ROCK1: variants seen among roughly 807,000 people sequenced by gnomAD.
The protein encoded by ROCK1 is Rho associated coiled-coil containing protein kinase 1, also known as rho-associated protein kinase 1.
Under a neutral mutation model 196.8 loss-of-function variants are expected in ROCK1, and 36 were observed. That is an observed-to-expected ratio of 0.18 (90% CI 0.14 to 0.24). ROCK1 has a LOEUF of 0.24. Ranked by LOEUF, ROCK1 falls within the 10% of genes least tolerant of loss-of-function variation. ROCK1 has a pLI of 1.00. For missense variants in ROCK1, 920 were observed against 1,562.0 expected (o/e 0.59, Z 6.93); for synonymous variants, 443 against 515.9 (o/e 0.86, Z 1.91).
chr18:21,092,077 T>C (rs772860410), intron 1 of ROCK1, among the ~76,000 whole-genome samples: 4 of 152,234 alleles, frequency 2.6e-5, no homozygotes, highest in African/African-American at 9.6e-5. Flanking sequence ...CTAACCACCA[T>C]GCTGTTCAGG....
At chr18:20,990,845 C>G (rs2035618733) in intron 18 of ROCK1, among the ~76,000 whole-genome samples, 2 of 151,918 alleles carry the variant, frequency 1.3e-5, no homozygotes, top group African/African-American at 4.8e-5. Context: ...ACTGCAACCT[C>G]TGCCTCCTGG....
Position 20,987,026 on chromosome 18 carries a change from A to T in ROCK1, c.2228T>A (p.Met743Lys). The T allele has an allele frequency of 6.2e-7, 1 of 1,612,680 alleles. No homozygotes were observed. The highest frequency in any genetic ancestry group is 8.5e-7 in the Non-Finnish European group (1 of 1,179,584). ...RVVQIEKQCS[M>K]LDVDLKQSQQ... ...AGATTGCTTCAGATCAACGTCTAGC[A>T]TGGAACACTGTTTCTCAATCTGAAC... is the stretch of plus-strand genomic sequence containing the variant. Residue 743 changes from methionine (M) to lysine (K), a missense_variant, in exon 19 of 33, where the codon ATG (methionine) becomes AAG (lysine). This residue lies in a region of ROCK1 where 520 missense variants were observed against 657.1 expected (regional missense o/e 0.79). Coordinates refer to ENST00000399799, the MANE Select transcript of ROCK1 (RefSeq NM_005406.3).
At chr18:21,068,750 T>C (rs1218608301) in intron 2 of ROCK1, among the ~76,000 whole-genome samples, 2 of 152,214 alleles carry the variant, frequency 1.3e-5, no homozygotes, top group Non-Finnish European at 2.9e-5. Context: ...TTTGTTATAA[T>C]AAATTAATTC....
intron 1 of ROCK1, among the ~76,000 whole-genome samples, chr18:21,105,000 C>T (rs937183684): frequency 2.0e-5 from 3 of 152,034 alleles, no homozygotes; most frequent in African/African-American, 4.8e-5. Flanking sequence ...TACTTAGAGA[C>T]GACAATAAAT....
intron 1 of ROCK1, among the ~76,000 whole-genome samples, chr18:21,109,236 T>C (rs1318986825): frequency 1.3e-5 from 2 of 152,224 alleles, no homozygotes; most frequent in East Asian, 1.9e-4. Context: ...TTAAATAGAT[T>C]GGACTCTCAG....
intron 1 of ROCK1, among the ~76,000 whole-genome samples, chr18:21,090,762 T>C (rs1358223496): frequency 6.6e-6 from 1 of 152,170 alleles, no homozygotes; most frequent in Non-Finnish European, 1.5e-5. Context: ...TGAAAACTTA[T>C]AATGTGCCAA....
At chr18:21,003,322 C>T (rs1010733874) in intron 16 of ROCK1, among the ~76,000 whole-genome samples, 5 of 152,004 alleles carry the variant, frequency 3.3e-5, no homozygotes, top group African/African-American at 4.8e-5. Flanking sequence ...TTAAAATAAA[C>T]TTAAGGGACG....
intron 1 of ROCK1, among the ~76,000 whole-genome samples, chr18:21,095,489 G>A (rs1047129830): frequency 4.0e-5 from 6 of 151,622 alleles, no homozygotes; most frequent in Admixed American, 6.6e-5. Flanking sequence ...AAGAAAATAC[G>A]GTACATATAC....
intron 26 of ROCK1, among the ~76,000 whole-genome samples, chr18:20,967,443 C>G (rs1038948354): frequency 5.3e-5 from 8 of 152,034 alleles, no homozygotes; most frequent in African/African-American, 1.9e-4. Flanking sequence ...GATCTAAGTG[C>G]CCGAGACCAG....
rs2035163392 is a variant in ROCK1 at position 20,949,623 on chromosome 18, C to T, written c.*1761G>A. The T allele has an allele frequency of 6.6e-6, 1 of 152,246 alleles. No individual in the cohort carries two copies. The highest frequency in any genetic ancestry group is 6.5e-5 in the Admixed American group (1 of 15,284). The allele number at this position is 152,246 out of a possible 1,614,324, so 9.4% of individuals were successfully genotyped here. A position where few individuals can be genotyped will look rare whatever the true frequency, so the allele number is the denominator to read the frequency against. ...TAGTCAAAAGAAAGGTTGTCAGAGC[C>T]TCTGCTTCCCTGATGTGTAGAAATG... On this transcript the variant is annotated 3_prime_UTR_variant, in exon 33 of 33. Transcript: ENST00000399799.
rs1212605031 is a variant in ROCK1, at chr18:20,991,222, A to G, written c.2097T>C (p.Thr699=). ...NEHKVTKARL[T]DKHQSIEEAK... ...CCTCTTCAATAGATTGATGTTTGTCAGTTAAACGAGCTTTGGTTACTTTGT... is the reference window on the plus strand; with the variant it reads ...CCTCTTCAATAGATTGATGTTTGTCGGTTAAACGAGCTTTGGTTACTTTGT... The change falls in exon 18 of 33, where the codon ACT becomes ACC. Residue 699 remains threonine (T), a synonymous_variant. Coordinates refer to ENST00000399799, the MANE Select transcript of ROCK1 (RefSeq NM_005406.3). 6.2e-7 allele frequency: 1 copy of G among 1,613,088 alleles called. No homozygotes were observed. The highest frequency in any genetic ancestry group is 2.2e-5 in the East Asian group (1 of 44,826).
intron 8 of ROCK1, 58 bp from the exon 9 acceptor site, chr18:21,039,621 T>C: frequency 2.5e-6 from 3 of 1,204,586 alleles, no homozygotes; most frequent in East Asian, 2.3e-5. Context: ...TTATAACCTG[T>C]CCAGGTTTAT....
Position 20,984,531 on chromosome 18 carries a change from T to C in ROCK1, c.2309A>G (p.Lys770Arg). ...GNKERMEDEV[K>R]NLTLQLEQES... Reference sequence around the variant, plus strand: ...CTGCTCCAGTTGCAGGGTTAGATTCTTAACCTATGAATGAGAAAAATAATT... The same window carrying C: ...CTGCTCCAGTTGCAGGGTTAGATTCCTAACCTATGAATGAGAAAAATAATT... The change falls in exon 20 of 33, where the codon AAG (lysine) becomes AGG (arginine). Residue 770 changes from lysine to arginine, a missense_variant. This residue lies in a region of ROCK1 where 520 missense variants were observed against 657.1 expected (regional missense o/e 0.79). Transcript: ENST00000399799. The C allele has an allele frequency of 6.3e-7, 1 of 1,598,728 alleles. No homozygotes were observed.
At chr18:21,071,299 C>G (rs1338741256) in intron 1 of ROCK1, among the ~76,000 whole-genome samples, 4 of 151,260 alleles carry the variant, frequency 2.6e-5, no homozygotes, top group Non-Finnish European at 5.9e-5. Flanking sequence ...CTGCCTCAGC[C>G]TCTTGAGTAG....
chr18:21,068,289 G>A (rs1242806038), intron 2 of ROCK1, among the ~76,000 whole-genome samples: 1 of 152,150 alleles, frequency 6.6e-6, no homozygotes, highest in Non-Finnish European at 1.5e-5. Flanking sequence ...TGTCACCTTT[G>A]TTGAAATCAA....
chr18:20,973,638 G>A (rs941069939), intron 22 of ROCK1, among the ~76,000 whole-genome samples: 5 of 152,110 alleles, frequency 3.3e-5, no homozygotes, highest in African/African-American at 9.7e-5. Flanking sequence ...AGATAAGAGC[G>A]TTAGCTCATG....
At chr18:21,041,092 G>T (rs558890057) in intron 8 of ROCK1, among the ~76,000 whole-genome samples, 2 of 151,748 alleles carry the variant, frequency 1.3e-5, no homozygotes, top group South Asian at 4.2e-4. Context: ...CTGCACTCCA[G>T]CCTGGGCAAC....
At chr18:20,957,768 GCCA>G (rs575279921) in intron 29 of ROCK1, among the ~76,000 whole-genome samples, 396 of 150,652 alleles carry the variant, frequency 2.6e-3, no homozygotes, top group Non-Finnish European at 4.4e-3. Context: ...ACAGGTGTGA[GCCA>G]CCACAACTGG....
rs772777412 is a variant in ROCK1, at chr18:21,023,690, A to T, written c.1212-10T>A. 1 of 1,526,996 alleles carries T rather than the reference A, an allele frequency of 6.5e-7. No homozygotes were observed. Among genetic ancestry groups the T allele is most frequent in the Admixed American group, 2.0e-5 (1 of 50,594 alleles). The allele number at this position is 1,526,996 out of a possible 1,614,324, so 94.6% of individuals were successfully genotyped here. A position where few individuals can be genotyped will look rare whatever the true frequency, so the allele number is the denominator to read the frequency against. ...TGCTGAAGATAAGTATCTGAGGGAA[A>T]GAAAAGTTTAAAAAGAAAAGAAAAC... On this transcript the variant is annotated splice_polypyrimidine_tract_variant and intron_variant, in intron 10 of 32. Coordinates refer to ENST00000399799, the MANE Select transcript of ROCK1 (RefSeq NM_005406.3).
Sources: gnomAD v4.1 joint callset for allele counts (sites outside exome capture counted in the v4.1 genomes callset) on GRCh38, gnomAD v4.1.1 for gene constraint, gnomAD v4.1.1 regional missense constraint, MANE v1.5 for transcripts, NCBI Gene and HGNC (gene_info 2026-07-23, HGNC 2026-07-21) for gene names.